DENND4A: variants seen among roughly 807,000 people sequenced by gnomAD.
DENND4A encodes the protein C-myc promoter-binding protein.
A neutral mutation model predicts 199.3 loss-of-function variants in DENND4A; 70 were observed. The observed-to-expected ratio is 0.35, with a 90% CI of 0.29 to 0.43. DENND4A has a LOEUF of 0.43. DENND4A is among the 20% of genes least tolerant of loss of function. The probability of loss-of-function intolerance (pLI) is 1.00; values close to 1 mark genes in which losing one functional copy is unlikely to be tolerated. For synonymous variants in DENND4A, 686 were observed against 766.9 expected (o/e 0.89, Z 1.74); for missense variants, 1,723 against 2,255.8 (o/e 0.76, Z 4.78).
rs753417217 is a variant in DENND4A, at chr15:65,717,925, T to C, written c.1660A>G (p.Arg554Gly). Residue 554 changes from arginine to glycine, a missense_variant, in exon 13 of 33, where the codon AGG becomes GGG. By Grantham distance (125) the Arg-to-Gly change is moderately radical. Coordinates refer to ENST00000443035, the MANE Select transcript of DENND4A (RefSeq NM_001320835.1). Reference protein sequence around the residue: ...INDYDFNSGKRLHMIDLEIQE... With the variant: ...INDYDFNSGKGLHMIDLEIQE... ...ATTTCCAAATCTATCATGTGCAACC[T>C]CTTTCCAGAATTAAAATCATAGTCA... The C allele has an allele frequency of 1.9e-6, 3 of 1,609,836 alleles. No homozygotes were observed. The highest frequency in any genetic ancestry group is 2.5e-6 in the Non-Finnish European group (3 of 1,177,804).
chr15:65,786,780 T>C (rs944818862), intron 1 of DENND4A, among the ~76,000 whole-genome samples: 1 of 152,180 alleles, frequency 6.6e-6, no homozygotes, highest in Non-Finnish European at 1.5e-5. Flanking sequence ...TGTACTACAA[T>C]GTGCATGTTC....
intron 32 of DENND4A, among the ~76,000 whole-genome samples, chr15:65,663,080 C>T (rs1242503926): frequency 6.6e-6 from 1 of 151,520 alleles, no homozygotes; most frequent in African/African-American, 2.4e-5. Context: ...TGGTTAAGTT[C>T]TGGCATCTTT....
At position 65,660,743 on chromosome 15, in the gene DENND4A, A is replaced by G. The variant is rs2075823822; in HGVS notation, c.*1108T>C. On this transcript the variant is annotated 3_prime_UTR_variant, in exon 33 of 33. Transcript: ENST00000443035. ...CTTGTTGAAAAAGCTAAGTTCCTCAATATGGATGAAAATCTATCTGGCTGT... is the reference window on the plus strand; with the variant it reads ...CTTGTTGAAAAAGCTAAGTTCCTCAGTATGGATGAAAATCTATCTGGCTGT... The G allele has an allele frequency of 6.5e-6, 1 of 154,034 alleles. No individual in the cohort carries two copies. Among genetic ancestry groups the G allele is most frequent in the Non-Finnish European group, 1.4e-5 (1 of 69,336 alleles). The allele number at this position is 154,034 out of a possible 1,614,324, so 9.5% of individuals were successfully genotyped here. A position where few individuals can be genotyped will look rare whatever the true frequency, so the allele number is the denominator to read the frequency against.
At chr15:65,759,591 T>C (rs114790886) in intron 2 of DENND4A, among the ~76,000 whole-genome samples, 1,616 of 152,320 alleles carry the variant, frequency 0.011, 18 homozygotes, top group African/African-American at 0.037. Flanking sequence ...TTTCTACATA[T>C]AATAAAGGGC....
intron 9 of DENND4A, 96 bp downstream of exon 9, chr15:65,731,546 T>G: frequency 1.1e-6 from 1 of 924,596 alleles, no homozygotes; most frequent in African/African-American, 1.7e-5. Flanking sequence ...TGAGAAGTAT[T>G]TCCATCAATA....
intron 5 of DENND4A, 80 bp downstream of exon 5, chr15:65,741,635 A>T: frequency 9.0e-7 from 1 of 1,110,194 alleles, no homozygotes; most frequent in Non-Finnish European, 1.4e-6. Flanking sequence ...AACACAGACT[A>T]GGCAGGTTTC....
In DENND4A at chr15:65,720,947, T is replaced by TTCTATATATATATA. The variant is rs1435137020; in HGVS notation, c.1588+1900_1588+1901insTATATATATATAGA. ...AAAGTTGAATGGGCTGTTTCATTGATTATATATATATATATATATATATAT... is the reference window on the plus strand; with the variant it reads ...AAAGTTGAATGGGCTGTTTCATTGATTCTATATATATATATATATATATATATATATATATATAT... On this transcript the variant is annotated intron_variant, in intron 12 of 32. Transcript: ENST00000443035. 6.3e-4 allele frequency among the ~76,000 whole-genome samples: 48 copies of TTCTATATATATATA among 76,262 alleles called. 2 individuals are homozygous for TTCTATATATATATA. The highest frequency in any genetic ancestry group is 1.6e-3 in the East Asian group (7 of 4,270). 50.0% of individuals were successfully genotyped at this position (76,262 alleles called of 152,430 possible). A position where few individuals can be genotyped will look rare whatever the true frequency, so the allele number is the denominator to read the frequency against.
At chr15:65,697,034 C>A in intron 21 of DENND4A, 1 of 404,728 alleles carries the variant, frequency 2.5e-6, no homozygotes, top group Non-Finnish European at 4.4e-6. Context: ...AATTACGTAG[C>A]ATTCATTCTA....
At chr15:65,687,420 C>CA (rs1315747043) in intron 23 of DENND4A, among the ~76,000 whole-genome samples, 1 of 151,188 alleles carries the variant, frequency 6.6e-6, no homozygotes, top group Non-Finnish European at 1.5e-5. Context: ...GTTTAGGAGG[C>CA]AAAAAAGTAA....
chr15:65,670,464 T>G (rs1028249936), intron 25 of DENND4A, among the ~76,000 whole-genome samples: 2 of 152,186 alleles, frequency 1.3e-5, no homozygotes, highest in Admixed American at 1.3e-4. Context: ...AATGGAAAAG[T>G]AAACTCAATC....
intron 13 of DENND4A, among the ~76,000 whole-genome samples, chr15:65,717,191 A>G (rs982018204): frequency 6.6e-6 from 1 of 151,944 alleles, no homozygotes; most frequent in African/African-American, 2.4e-5. Context: ...ATACCACTAT[A>G]TATCCAATGC....
Position 65,671,836 on chromosome 15 carries a change from A to C in DENND4A, c.4420T>G (p.Phe1474Val). ...LPGKSEVTSSFNASNTNIFQN... is the reference protein window; with the variant it reads ...LPGKSEVTSSVNASNTNIFQN... The stretch of plus-strand genomic sequence containing the variant: ...AAGATATTTGTATTACTCGCGTTGA[A>C]GGAAGATGTCACTTCTGATTTCCCA... The change falls in exon 25 of 33, where the codon TTC becomes GTC. Residue 1474 changes from phenylalanine to valine, a missense_variant. By Grantham distance (50) the Phe-to-Val change is conservative. This residue lies in a region of DENND4A where 650 missense variants were observed against 738.1 expected (regional missense o/e 0.88). Coordinates refer to ENST00000443035, the MANE Select transcript of DENND4A (RefSeq NM_001320835.1). 1 of 1,613,176 alleles carries C rather than the reference A, an allele frequency of 6.2e-7. No homozygotes were observed. The highest frequency in any genetic ancestry group is 8.5e-7 in the Non-Finnish European group (1 of 1,179,118).
chr15:65,738,595 G>A, intron 6 of DENND4A, 111 bp downstream of exon 6: 1 of 895,774 alleles, frequency 1.1e-6, no homozygotes, highest in Non-Finnish European at 1.6e-6. Flanking sequence ...AACTGGAAAA[G>A]TATGCATAAT....
At position 65,659,327 on chromosome 15, in the gene DENND4A, T is replaced by TG. The variant is rs2075780479; in HGVS notation, c.*2523_*2524insC. On this transcript the variant is annotated 3_prime_UTR_variant, in exon 33 of 33. Transcript: ENST00000443035. ...TAAATGATTGATATTTTCTGGTTTTTTTTTTTTTTTTTTTTTTTTTTTTTG... is the reference window on the plus strand; with the variant it reads ...TAAATGATTGATATTTTCTGGTTTTTGTTTTTTTTTTTTTTTTTTTTTTTTG... 1 of 113,180 alleles carries TG rather than the reference T, an allele frequency of 8.8e-6. No individual in the cohort carries two copies. The highest frequency in any genetic ancestry group is 8.3e-5 in the Admixed American group (1 of 12,014). 7.0% of individuals were successfully genotyped at this position (113,180 alleles called of 1,614,324 possible).
In DENND4A at chr15:65,669,798, C is replaced by T. The variant is rs778834273; in HGVS notation, c.4768G>A (p.Gly1590Arg). The T allele has an allele frequency of 6.2e-6, 10 of 1,612,488 alleles. No individual in the cohort carries two copies. Among genetic ancestry groups the T allele is most frequent in the East Asian group, 4.5e-5 (2 of 44,830 alleles). Reference sequence around the variant, plus strand: ...AATTACCTATTTAGATCAAAATTCCCTTGAACAGAGAGAGCAGATGTGTCA... The same window carrying T: ...AATTACCTATTTAGATCAAAATTCCTTTGAACAGAGAGAGCAGATGTGTCA... ...GLDTSALSVQ[G>R]NFDLNSKSKL... is the part of the protein sequence containing the mutation. Residue 1590 changes from glycine to arginine, a missense_variant, in exon 27 of 33, where the codon GGG becomes AGG. By Grantham distance (125) the Gly-to-Arg change is moderately radical. Around this residue, in one of 6 missense-constraint regions of DENND4A, gnomAD observed 141 missense variants for 170.7 expected, o/e 0.83. Coordinates refer to ENST00000443035, the MANE Select transcript of DENND4A (RefSeq NM_001320835.1).
chr15:65,678,187 C>T (rs908745343), intron 23 of DENND4A, among the ~76,000 whole-genome samples: 9 of 152,142 alleles, frequency 5.9e-5, no homozygotes, highest in Non-Finnish European at 8.8e-5. Flanking sequence ...CTCGGCCTCC[C>T]GAAGTGTTGG....
chr15:65,742,512 G>A (rs1027685120), intron 4 of DENND4A, among the ~76,000 whole-genome samples: 9 of 148,916 alleles, frequency 6.0e-5, no homozygotes, highest in African/African-American at 1.2e-4. Flanking sequence ...TGCAACCTCC[G>A]CCTCCCAGGT....
At chr15:65,694,912 T>A (rs1324800411) in intron 22 of DENND4A, among the ~76,000 whole-genome samples, 3 of 152,176 alleles carry the variant, frequency 2.0e-5, no homozygotes, top group Admixed American at 6.6e-5. Context: ...GATCAAAGGA[T>A]GGTGTACAAT....
intron 27 of DENND4A, 135 bp downstream of exon 27, chr15:65,669,644 G>T: frequency 1.4e-6 from 1 of 739,130 alleles, no homozygotes; most frequent in Non-Finnish European, 2.1e-6. Context: ...TGTTTTAAGA[G>T]TAAGAATTTA....
Sources: allele counts gnomAD v4.1 joint callset (sites outside exome capture counted in the v4.1 genomes callset), GRCh38; gene constraint gnomAD v4.1.1; regional missense constraint gnomAD v4.1.1; transcripts MANE v1.5; gene names NCBI Gene and HGNC (gene_info 2026-07-23, HGNC 2026-07-21).